The following BTBD7 variants were observed in gnomAD, a reference collection of about 807,000 sequenced individuals.
BTBD7 encodes BTB domain containing 7, also known as BTB/POZ domain-containing protein 7.
Under a neutral mutation model 99.9 loss-of-function variants are expected in BTBD7, and 38 were observed. The observed-to-expected ratio is 0.38, with a 90% CI of 0.29 to 0.50. The LOEUF is 0.50. BTBD7 is among the 20% of genes least tolerant of loss of function. The pLI, the probability that BTBD7 is intolerant of heterozygous loss-of-function variation, is 0.93. For synonymous variants in BTBD7, 520 were observed against 511.4 expected (o/e 1.02, Z -0.23); for missense variants, 1,170 against 1,394.6 (o/e 0.84, Z 2.57).
intron 10 of BTBD7, among the ~76,000 whole-genome samples, chr14:93,244,658 T>C (rs927614718): frequency 6.6e-6 from 1 of 151,664 alleles, no homozygotes; most frequent in Non-Finnish European, 1.5e-5. Flanking sequence ...CTAAAATAAA[T>C]AAAGAAATAA....
chr14:93,322,190 A>G (rs1346618203), intron 1 of BTBD7, among the ~76,000 whole-genome samples: 5 of 152,154 alleles, frequency 3.3e-5, no homozygotes, highest in African/African-American at 1.2e-4. Context: ...GCTACTCACC[A>G]TAACCTCAAA....
rs1455699271 is a variant in BTBD7, at chr14:93,251,409, C to CA, written c.1942+53dup. On this transcript the variant is annotated intron_variant, in intron 8 of 10. Transcript: ENST00000334746. ...AGAGAGGCTCAAACATCAGCAATTT[C>CA]AAAAAAACAATAAATTATTCATTTA... 9 of 1,491,238 alleles carry CA rather than the reference C, an allele frequency of 6.0e-6. No homozygotes were observed. In the East Asian group the frequency reaches 9.2e-5, roughly 15 times the overall value. The allele number at this position is 1,491,238 out of a possible 1,614,324, so 92.4% of individuals were successfully genotyped here. A position where few individuals can be genotyped will look rare whatever the true frequency, so the allele number is the denominator to read the frequency against.
rs71129626 is a variant in BTBD7, at chr14:93,300,786, ATT to A, written c.-106-4631_-106-4630del. Reference sequence around the variant, plus strand: ...TGTGTGTGTGTGTATATATATATATATTTTTTTTTTGTAGAGATAGGGTTTTG... The same window carrying A: ...TGTGTGTGTGTGTATATATATATATATTTTTTTTGTAGAGATAGGGTTTTG... On this transcript the variant is annotated intron_variant, in intron 1 of 10. Transcript: ENST00000334746. Among the ~76,000 whole-genome samples the A allele has an allele frequency of 2.4e-4, 24 of 101,778 alleles. 1 individual carries two copies. Among genetic ancestry groups the A allele is most frequent in the African/African-American group, 7.1e-4 (18 of 25,254 alleles). The allele number at this position is 101,778 out of a possible 152,430, so 66.8% of individuals were successfully genotyped here. A position where few individuals can be genotyped will look rare whatever the true frequency, so the allele number is the denominator to read the frequency against.
intron 3 of BTBD7, among the ~76,000 whole-genome samples, chr14:93,268,080 C>T (rs74499882): frequency 3.9e-5 from 6 of 152,208 alleles, no homozygotes; most frequent in Admixed American, 3.3e-4. Flanking sequence ...ACTCTACACC[C>T]GTCATACTGT....
Position 93,240,685 on chromosome 14 carries a change from T to A in BTBD7, c.*1588A>T, listed in dbSNP as rs1339051415. On this transcript the variant is annotated 3_prime_UTR_variant, in exon 11 of 11. Transcript: ENST00000334746. Reference sequence around the variant, plus strand: ...ATACAAAGTAAATGCTCAAATAATGTTGAAGTGATTTAAAAACTCAAATAC... The same window carrying A: ...ATACAAAGTAAATGCTCAAATAATGATGAAGTGATTTAAAAACTCAAATAC... 1 of 152,634 alleles carries A rather than the reference T, an allele frequency of 6.6e-6. No homozygotes were observed. The highest frequency in any genetic ancestry group is 2.4e-5 in the African/African-American group (1 of 41,448). 9.5% of individuals were successfully genotyped at this position (152,634 alleles called of 1,614,324 possible).
intron 1 of BTBD7, among the ~76,000 whole-genome samples, chr14:93,307,766 G>A (rs150770080): frequency 4.2e-4 from 64 of 152,190 alleles, no homozygotes; most frequent in Middle Eastern, 3.4e-3. Flanking sequence ...TTTCTTTACA[G>A]TAGTACTTTT....
intron 1 of BTBD7, among the ~76,000 whole-genome samples, chr14:93,317,047 A>G (rs1202800567): frequency 2.0e-5 from 3 of 152,190 alleles, no homozygotes; most frequent in East Asian, 3.8e-4. Flanking sequence ...AGAAACCTTC[A>G]TAAGAAAGAG....
intron 3 of BTBD7, among the ~76,000 whole-genome samples, chr14:93,265,976 T>G (rs899145971): frequency 5.3e-5 from 8 of 152,134 alleles, no homozygotes; most frequent in Non-Finnish European, 1.0e-4. Flanking sequence ...AAAGTATGTT[T>G]CAAAATCTTC....
At chr14:93,273,157 A>G (rs1159484342) in intron 3 of BTBD7, among the ~76,000 whole-genome samples, 1 of 152,230 alleles carries the variant, frequency 6.6e-6, no homozygotes, top group Non-Finnish European at 1.5e-5. Context: ...ACATGGTGAT[A>G]ACCCCTGCAC....
intron 1 of BTBD7, among the ~76,000 whole-genome samples, chr14:93,309,144 A>G (rs902315500): frequency 6.6e-6 from 1 of 152,150 alleles, no homozygotes; most frequent in Non-Finnish European, 1.5e-5. Flanking sequence ...AGTATCTTAC[A>G]TCAGAATGGG....
chr14:93,258,916 C>A lies in BTBD7; in HGVS notation c.1448-1561G>T, dbSNP rs78165141. Among the ~76,000 whole-genome samples, 407 of 152,256 alleles carry A rather than the reference C, an allele frequency of 2.7e-3. 1 individual carries two copies. Among genetic ancestry groups the A allele is most frequent in the African/African-American group, 9.3e-3 (385 of 41,562 alleles). ...CTATTTTTCTAAGGAAAATTTTAAC[C>A]CTTAACAGGCAGATGCCTGTTATCT... On this transcript the variant is annotated intron_variant, in intron 5 of 10. Transcript: ENST00000334746.
At chr14:93,299,216 A>C (rs1002249444) in intron 1 of BTBD7, among the ~76,000 whole-genome samples, 1 of 152,200 alleles carries the variant, frequency 6.6e-6, no homozygotes, top group Non-Finnish European at 1.5e-5. Context: ...CTAGTACTAC[A>C]GCAATATTTC....
intron 8 of BTBD7, among the ~76,000 whole-genome samples, chr14:93,250,250 T>G (rs10484034): frequency 0.11 from 17,432 of 152,162 alleles, 1,212 homozygotes; most frequent in African/African-American, 0.19. Flanking sequence ...CAAGCCTTAT[T>G]TTTCTGAGCA....
chr14:93,244,506 G>A (rs1016365459), intron 10 of BTBD7, among the ~76,000 whole-genome samples: 13 of 152,068 alleles, frequency 8.5e-5, no homozygotes, highest in Non-Finnish European at 1.3e-4. Context: ...AAAATTAGCC[G>A]GGCGTGGTGG....
intron 3 of BTBD7, among the ~76,000 whole-genome samples, chr14:93,285,352 A>G (rs2052764938): frequency 6.6e-6 from 1 of 152,236 alleles, no homozygotes; most frequent in African/African-American, 2.4e-5. Context: ...TAATTCAATA[A>G]AATATAATCA....
At chr14:93,331,889 C>CAA (rs1555394532) in intron 1 of BTBD7, among the ~76,000 whole-genome samples, 2 of 141,190 alleles carry the variant, frequency 1.4e-5, no homozygotes, top group African/African-American at 6.2e-5. Context: ...TCCCCCCCCC[C>CAA]AAAAAGGTTG....
chr14:93,317,781 T>C (rs2053224368), intron 1 of BTBD7, among the ~76,000 whole-genome samples: 1 of 152,158 alleles, frequency 6.6e-6, no homozygotes, highest in Admixed American at 6.5e-5. Context: ...CCTAAACTGT[T>C]TGTGCAAACA....
chr14:93,280,909 G>A (rs2052711481), intron 3 of BTBD7, among the ~76,000 whole-genome samples: 1 of 147,686 alleles, frequency 6.8e-6, no homozygotes, highest in South Asian at 2.1e-4. Context: ...ACAACTCACT[G>A]TAGCCTTGAC....
intron 1 of BTBD7, among the ~76,000 whole-genome samples, chr14:93,327,405 C>T (rs754629660): frequency 5.3e-5 from 8 of 152,090 alleles, no homozygotes; most frequent in South Asian, 2.1e-4. Context: ...GTCTTCCCCA[C>T]TAAATAACTA....
Sources: allele counts gnomAD v4.1 joint callset (sites outside exome capture counted in the v4.1 genomes callset), GRCh38; gene constraint gnomAD v4.1.1; transcripts MANE v1.5; gene names NCBI Gene and HGNC (gene_info 2026-07-23, HGNC 2026-07-21).